Variants in ADGRB3 observed in about 807,000 individuals in gnomAD.
The protein encoded by ADGRB3 is brain-specific angiogenesis inhibitor 3.
In ADGRB3, 37 loss-of-function variants were observed where a neutral mutation model predicts 193.4. The ratio of observed to expected loss-of-function variants is 0.19; its 90% CI spans 0.15 to 0.25. ADGRB3 has a LOEUF of 0.25. Ranked by LOEUF, ADGRB3 falls within the 10% of genes least tolerant of loss-of-function variation. The probability of loss-of-function intolerance (pLI) is 1.00; values close to 1 mark genes in which losing one functional copy is unlikely to be tolerated. For missense variants in ADGRB3, 1,637 were observed against 1,852.9 expected, an observed-to-expected ratio of 0.88 and a Z score of 2.14; for synonymous variants, 690 against 644.2, an observed-to-expected ratio of 1.07 and a Z score of -1.08.
At chr6:69,199,864 T>C (rs1765383343) in intron 17 of ADGRB3, among the ~76,000 whole-genome samples, 1 of 152,136 alleles carries the variant, frequency 6.6e-6, no homozygotes, top group South Asian at 2.1e-4. Context: ...AAGGTTTTTC[T>C]AGAATTAAAA....
intron 13 of ADGRB3, among the ~76,000 whole-genome samples, chr6:69,030,468 A>T (rs1770609811): frequency 6.6e-6 from 1 of 152,188 alleles, no homozygotes; most frequent in African/African-American, 2.4e-5. Flanking sequence ...CTTTGCAGGG[A>T]CATGGATGAA....
In ADGRB3 at chr6:68,811,412, A is replaced by G. The variant is rs143325898; in HGVS notation, c.758-119147A>G. Among the ~76,000 whole-genome samples the G allele has an allele frequency of 9.9e-3, 1,513 of 152,274 alleles. 26 individuals carry two copies. The highest frequency in any genetic ancestry group is 0.035 in the African/African-American group (1,447 of 41,540). ...TATTTCATGTTATTTTATTTTTATT[A>G]CTTAACATTGCACTATTCTGTCAGG... On this transcript the variant is annotated intron_variant, in intron 3 of 31. Transcript: ENST00000370598.
At chr6:69,274,797 C>G (rs1022631668) in intron 20 of ADGRB3, among the ~76,000 whole-genome samples, 2 of 152,040 alleles carry the variant, frequency 1.3e-5, no homozygotes, top group African/African-American at 4.8e-5. Context: ...GCCTTCTTAC[C>G]TCTTTCTTTC....
intron 3 of ADGRB3, among the ~76,000 whole-genome samples, chr6:68,818,569 A>C (rs781027509): frequency 6.6e-6 from 1 of 152,062 alleles, no homozygotes; most frequent in Non-Finnish European, 1.5e-5. Context: ...AGGGGGAAAA[A>C]AGGTGCTATT....
At chr6:68,753,683 T>C (rs537569573) in intron 3 of ADGRB3, among the ~76,000 whole-genome samples, 153 of 152,224 alleles carry the variant, frequency 1.0e-3, no homozygotes, top group Middle Eastern at 3.4e-3. Flanking sequence ...ATAATGTCAG[T>C]AACTGACTGG....
intron 6 of ADGRB3, among the ~76,000 whole-genome samples, chr6:68,954,722 C>T (rs1768022258): frequency 6.6e-6 from 1 of 151,568 alleles, no homozygotes; most frequent in Non-Finnish European, 1.5e-5. Context: ...CTCTGTCCCC[C>T]AGGCTGGAGT....
chr6:68,698,753 AG>A (rs1368137742), intron 3 of ADGRB3, among the ~76,000 whole-genome samples: 1 of 152,194 alleles, frequency 6.6e-6, no homozygotes, highest in African/African-American at 2.4e-5. Context: ...TATTTATTCC[AG>A]CCTGTGGATT....
intron 17 of ADGRB3, among the ~76,000 whole-genome samples, chr6:69,137,258 T>G (rs1011118651): frequency 6.6e-6 from 1 of 152,030 alleles, no homozygotes; most frequent in Non-Finnish European, 1.5e-5. Flanking sequence ...ACAGTTACCT[T>G]TTGCCCAGTA....
chr6:69,297,412 A>ATCTCTCTCTCTCTCTCTCTC (rs1767853209), intron 20 of ADGRB3, among the ~76,000 whole-genome samples: 1 of 116,610 alleles, frequency 8.6e-6, no homozygotes, highest in East Asian at 2.1e-4. Flanking sequence ...CTCTCTCTCT[A>ATCTCTCTCTCTCTCTCTCTC]TATATATATA....
At chr6:69,127,658 T>A (rs1210002140) in intron 17 of ADGRB3, among the ~76,000 whole-genome samples, 1 of 152,176 alleles carries the variant, frequency 6.6e-6, no homozygotes, top group African/African-American at 2.4e-5. Context: ...AAATAAAAAA[T>A]TATCTTTCCC....
intron 3 of ADGRB3, among the ~76,000 whole-genome samples, chr6:68,798,291 T>C (rs1767248787): frequency 6.6e-6 from 1 of 152,242 alleles, no homozygotes; most frequent in African/African-American, 2.4e-5. Flanking sequence ...AAGTCTGTTC[T>C]GTATCTTCAT....
chr6:68,689,154 C>T (rs1765029345), intron 3 of ADGRB3, among the ~76,000 whole-genome samples: 1 of 152,134 alleles, frequency 6.6e-6, no homozygotes, highest in African/African-American at 2.4e-5. Context: ...GGGAAGTTGT[C>T]AGCTACCCAA....
chr6:68,966,239 C>G (rs1768377717), intron 8 of ADGRB3, among the ~76,000 whole-genome samples: 1 of 151,652 alleles, frequency 6.6e-6, no homozygotes, highest in Non-Finnish European at 1.5e-5. Flanking sequence ...TCCTATGATT[C>G]TTCATCCCTT....
At chr6:68,786,628 G>C (rs1364312270) in intron 3 of ADGRB3, among the ~76,000 whole-genome samples, 6 of 152,106 alleles carry the variant, frequency 3.9e-5, no homozygotes, top group African/African-American at 1.2e-4. Flanking sequence ...GATTGACTTG[G>C]TGATGCAGGC....
intron 13 of ADGRB3, among the ~76,000 whole-genome samples, chr6:69,028,065 A>G (rs1158394368): frequency 2.0e-5 from 3 of 152,150 alleles, no homozygotes; most frequent in Non-Finnish European, 2.9e-5. Flanking sequence ...AGACTGAGCA[A>G]TTTTATCCTC....
intron 3 of ADGRB3, among the ~76,000 whole-genome samples, chr6:68,908,937 TC>T (rs1029167663): frequency 1.3e-5 from 2 of 152,136 alleles, no homozygotes; most frequent in Non-Finnish European, 2.9e-5. Flanking sequence ...AGTTTCAGTC[TC>T]CCTTAAATAT....
At chr6:69,062,339 G>T (rs1322394275) in intron 15 of ADGRB3, among the ~76,000 whole-genome samples, 1 of 151,720 alleles carries the variant, frequency 6.6e-6, no homozygotes, top group Non-Finnish European at 1.5e-5. Context: ...AGATATTTCA[G>T]GCAAAATGTC....
At chr6:69,375,901 C>T (rs1017817346) in intron 30 of ADGRB3, among the ~76,000 whole-genome samples, 1 of 151,806 alleles carries the variant, frequency 6.6e-6, no homozygotes, top group Non-Finnish European at 1.5e-5. Context: ...CAAGATCGTG[C>T]CGCTGCCCTC....
chr6:69,232,947 G>A (rs983853850), intron 17 of ADGRB3: 5 of 449,724 alleles, frequency 1.1e-5, no homozygotes, highest in Admixed American at 3.9e-5. Flanking sequence ...AATCCGATGA[G>A]CATAGGAAGT....
Sources: allele counts gnomAD v4.1 joint callset (sites outside exome capture counted in the v4.1 genomes callset), GRCh38; gene constraint gnomAD v4.1.1; transcripts MANE v1.5; gene names NCBI Gene and HGNC (gene_info 2026-07-23, HGNC 2026-07-21).